GPC5: variants seen among roughly 807,000 people sequenced by gnomAD.
GPC5 encodes glypican-5.
Under a neutral mutation model 53.9 loss-of-function variants are expected in GPC5, and 47 were observed. That is an observed-to-expected ratio of 0.87 (90% CI 0.69 to 1.11). GPC5 has a LOEUF of 1.11. Ranked by LOEUF, GPC5 falls within the 50% of genes most tolerant of loss-of-function variation. GPC5 has a pLI of 0.00. For synonymous variants in GPC5, 286 were observed against 263.3 expected, an observed-to-expected ratio of 1.09 and a Z score of -0.84; for missense variants, 748 against 713.1, an observed-to-expected ratio of 1.05 and a Z score of -0.56.
intron 7 of GPC5, among the ~76,000 whole-genome samples, chr13:92,375,027 G>T (rs193083513): frequency 2.0e-4 from 31 of 152,240 alleles, no homozygotes; most frequent in African/African-American, 7.2e-4. Flanking sequence ...GTTCGTTGCA[G>T]TATTTTGACA....
At chr13:91,641,950 G>A (rs74854674) in intron 2 of GPC5, among the ~76,000 whole-genome samples, 3,787 of 152,230 alleles carry the variant, frequency 0.025, 147 homozygotes, top group African/African-American at 0.086. Flanking sequence ...AATACAAGAG[G>A]CTAAAGTCAT....
chr13:91,925,267 A>C (rs1438773956), intron 6 of GPC5, among the ~76,000 whole-genome samples: 1 of 152,234 alleles, frequency 6.6e-6, no homozygotes, highest in African/African-American at 2.4e-5. Context: ...TAAATGAATG[A>C]AAATCATAAT....
chr13:91,803,777 G>GACACACAC (rs200458829), intron 5 of GPC5, among the ~76,000 whole-genome samples: 27 of 113,810 alleles, frequency 2.4e-4, no homozygotes, highest in African/African-American at 6.9e-4. Flanking sequence ...CAGACAGACA[G>GACACACAC]ACAGACACAC....
chr13:92,663,117 G>A (rs2139189169), intron 7 of GPC5, among the ~76,000 whole-genome samples: 1 of 152,214 alleles, frequency 6.6e-6, no homozygotes, highest in Middle Eastern at 3.4e-3. Context: ...TGTGAGATGA[G>A]GAAAGAATAA....
intron 7 of GPC5, among the ~76,000 whole-genome samples, chr13:92,483,274 A>G (rs1320358860): frequency 6.6e-6 from 1 of 152,150 alleles, no homozygotes; most frequent in Non-Finnish European, 1.5e-5. Flanking sequence ...ACTTACACCA[A>G]CCTAGATGAT....
chr13:91,726,309 A>ACTTGAAAAGTCTATTAACAGTTTACTTGC (rs2036575340), intron 3 of GPC5, among the ~76,000 whole-genome samples: 1 of 152,160 alleles, frequency 6.6e-6, no homozygotes, highest in Admixed American at 6.5e-5. Flanking sequence ...ATTCAGGACT[A>ACTTGAAAAGTCTATTAACAGTTTACTTGC]CTTGAAAAGT....
intron 3 of GPC5, among the ~76,000 whole-genome samples, chr13:91,726,684 A>G (rs1379017068): frequency 6.6e-6 from 1 of 152,110 alleles, no homozygotes; most frequent in South Asian, 2.1e-4. Context: ...TATCAAATCC[A>G]TATCCAAGTG....
intron 7 of GPC5, among the ~76,000 whole-genome samples, chr13:92,505,074 C>A (rs988447320): frequency 6.6e-6 from 1 of 151,424 alleles, no homozygotes; most frequent in Non-Finnish European, 1.5e-5. Flanking sequence ...CTAAAAGTCT[C>A]CTAAAGTTAC....
intron 6 of GPC5, among the ~76,000 whole-genome samples, chr13:92,005,422 T>C (rs1325070091): frequency 1.3e-5 from 2 of 152,184 alleles, no homozygotes; most frequent in Non-Finnish European, 2.9e-5. Context: ...AGCTTTCCTG[T>C]GGTTAGGGCC....
intron 4 of GPC5, among the ~76,000 whole-genome samples, chr13:91,750,670 A>C (rs2037152923): frequency 7.4e-6 from 1 of 134,240 alleles, no homozygotes; most frequent in African/African-American, 2.8e-5. Context: ...GTAGTAGGTA[A>C]GTCCTTTTTT....
At chr13:92,732,084 C>T (rs924910177) in intron 7 of GPC5, among the ~76,000 whole-genome samples, 29 of 151,148 alleles carry the variant, frequency 1.9e-4, no homozygotes, top group Non-Finnish European at 5.9e-5. Context: ...GAAGCATATG[C>T]AACTGGCTAT....
chr13:92,700,008 G>C lies in GPC5; in HGVS notation c.1562-166274G>C, dbSNP rs146303644. Among the ~76,000 whole-genome samples the C allele has an allele frequency of 2.0e-3, 304 of 152,210 alleles. 1 individual carries two copies. The highest frequency in any genetic ancestry group is 7.0e-3 in the African/African-American group (290 of 41,556). On this transcript the variant is annotated intron_variant, in intron 7 of 7. Coordinates refer to ENST00000377067, the MANE Select transcript of GPC5 (RefSeq NM_004466.6). ...TGTTAATATTCTGACTTGTTGATCTGTCTAATATTGACAGTGGTGTCTTAA... is the reference window on the plus strand; with the variant it reads ...TGTTAATATTCTGACTTGTTGATCTCTCTAATATTGACAGTGGTGTCTTAA...
At chr13:92,411,570 G>A (rs1405330752) in intron 7 of GPC5, among the ~76,000 whole-genome samples, 1 of 152,112 alleles carries the variant, frequency 6.6e-6, no homozygotes, top group African/African-American at 2.4e-5. Context: ...AGATTCAACA[G>A]GACACTTGAC....
chr13:92,644,745 T>C (rs542900177), intron 7 of GPC5, among the ~76,000 whole-genome samples: 2 of 152,248 alleles, frequency 1.3e-5, no homozygotes, highest in African/African-American at 4.8e-5. Context: ...AGAACATCTG[T>C]TTTTGGAACA....
chr13:92,322,876 G>C (rs997745341), intron 7 of GPC5, among the ~76,000 whole-genome samples: 2 of 152,014 alleles, frequency 1.3e-5, no homozygotes, highest in African/African-American at 4.8e-5. Flanking sequence ...AACTAACAAG[G>C]AAGCATCTGC....
At chr13:92,781,949 T>C (rs1876039170) in intron 7 of GPC5, among the ~76,000 whole-genome samples, 2 of 152,126 alleles carry the variant, frequency 1.3e-5, no homozygotes, top group African/African-American at 4.8e-5. Context: ...AAAAGTTAAT[T>C]TCCACACCAA....
intron 7 of GPC5, among the ~76,000 whole-genome samples, chr13:92,489,393 A>G (rs553804075): frequency 1.3e-5 from 2 of 152,308 alleles, no homozygotes; most frequent in East Asian, 3.9e-4. Flanking sequence ...ATACTGGCAG[A>G]AAACAAACCA....
chr13:92,529,283 G>A (rs185951890), intron 7 of GPC5, among the ~76,000 whole-genome samples: 15 of 152,184 alleles, frequency 9.9e-5, no homozygotes, highest in African/African-American at 3.6e-4. Flanking sequence ...CAATTAGGAT[G>A]AGTCTTAAAG....
At chr13:92,644,922 C>T (rs1405013379) in intron 7 of GPC5, among the ~76,000 whole-genome samples, 1 of 151,766 alleles carries the variant, frequency 6.6e-6, no homozygotes, top group Non-Finnish European at 1.5e-5. Context: ...AAAATGAGAA[C>T]CATATAAGGT....
Sources: gnomAD v4.1 joint callset for allele counts (sites outside exome capture counted in the v4.1 genomes callset) on GRCh38, gnomAD v4.1.1 for gene constraint, MANE v1.5 for transcripts, NCBI Gene and HGNC (gene_info 2026-07-23, HGNC 2026-07-21) for gene names.